Variants in OOSP1 observed in about 807,000 individuals in gnomAD.
OOSP1 encodes the protein oocyte secreted protein 1.
In OOSP1, 11 loss-of-function variants were observed where a neutral mutation model predicts 5.7. The ratio of observed to expected loss-of-function variants is 1.94; its 90% confidence interval spans 1.22 to 3.20. The LOEUF (loss-of-function observed/expected upper bound fraction) is 3.20, where lower values mean the gene tolerates loss of function less well. OOSP1 is among the 30% of genes most tolerant of loss of function. The pLI is 0.00. For synonymous variants in OOSP1, 44 were observed against 20.0 expected (o/e 2.20, Z -3.20); for missense variants, 83 against 54.1 (o/e 1.53, Z -1.67).
chr11:59,945,543 C>A (rs1028334661), intron 3 of OOSP1, among the ~76,000 whole-genome samples: 1 of 151,040 alleles, frequency 6.6e-6, no homozygotes, highest in African/African-American at 2.4e-5. Flanking sequence ...AGATCGGGAC[C>A]ATCCTGGCTA....
At chr11:59,941,760 T>G (rs1399793033) in intron 1 of OOSP1, among the ~76,000 whole-genome samples, 1 of 152,190 alleles carries the variant, frequency 6.6e-6, no homozygotes, top group Non-Finnish European at 1.5e-5. Context: ...GTCATATGGT[T>G]GTTGTATGTT....
At chr11:59,951,315 C>A (rs1189387959) in intron 4 of OOSP1, among the ~76,000 whole-genome samples, 1 of 151,908 alleles carries the variant, frequency 6.6e-6, no homozygotes, top group Non-Finnish European at 1.5e-5. Context: ...GAAAAAGAGA[C>A]AGATCGCTGA....
intron 2 of OOSP1, among the ~76,000 whole-genome samples, chr11:59,943,430 T>C (rs1398381883): frequency 6.6e-6 from 1 of 152,172 alleles, no homozygotes; most frequent in Non-Finnish European, 1.5e-5. Flanking sequence ...AGTCATTAAG[T>C]GTCTATTTGT....
intron 2 of OOSP1, among the ~76,000 whole-genome samples, 198 bp downstream of exon 2, chr11:59,943,226 G>T (rs1853849506): frequency 6.7e-6 from 1 of 148,650 alleles, no homozygotes; most frequent in African/African-American, 2.5e-5. Flanking sequence ...GGGGAGGGGA[G>T]AGGGATAGCA....
intron 4 of OOSP1, among the ~76,000 whole-genome samples, chr11:59,955,021 T>G (rs1001772306): frequency 6.6e-6 from 1 of 152,090 alleles, no homozygotes; most frequent in East Asian, 1.9e-4. Context: ...ACTAAGCCTG[T>G]ATCTAGTAGT....
At chr11:59,940,145 A>G (rs969826541) in intron 1 of OOSP1, among the ~76,000 whole-genome samples, 4 of 152,272 alleles carry the variant, frequency 2.6e-5, no homozygotes, top group Non-Finnish European at 5.9e-5. Context: ...ACATGGGTAC[A>G]TGTTAGAATC....
chr11:59,939,504 G>A lies in OOSP1; in HGVS notation c.76+974G>A, dbSNP rs139383666. Among the ~76,000 whole-genome samples the A allele has an allele frequency of 3.0e-3, 456 of 151,958 alleles. 1 individual carries two copies. The highest frequency in any genetic ancestry group is 5.1e-3 in the Non-Finnish European group (345 of 67,956). ...TGGCCTCAAGTGATCTGCCCACCTC[G>A]GTCTCCCAAAGTGCTGGTATAACAG... is the stretch of plus-strand genomic sequence containing the variant. On this transcript the variant is annotated intron_variant, in intron 1 of 4. Coordinates refer to ENST00000646685, the Ensembl canonical transcript of OOSP1.
Position 59,955,391 on chromosome 11 carries a change from T to C in OOSP1, c.487-1804T>C, listed in dbSNP as rs1590894984. On this transcript the variant is annotated intron_variant, in intron 4 of 4. Coordinates refer to ENST00000646685, the Ensembl canonical transcript of OOSP1. ...ACTATGAATCTGGCATTGTCTCGTT[T>C]CATAGGAAACCATGACTTTTAGGAA... Among the ~76,000 whole-genome samples, 9 of 152,264 alleles carry C rather than the reference T, an allele frequency of 5.9e-5. No individual in the cohort carries two copies. The South Asian group carries it at 1.9e-3, about 32-fold the overall frequency.
intron 4 of OOSP1, among the ~76,000 whole-genome samples, chr11:59,952,565 A>G (rs1482827002): frequency 6.6e-6 from 1 of 152,210 alleles, no homozygotes; most frequent in African/African-American, 2.4e-5. Context: ...GTTCTCACTT[A>G]TAAGTGGGAG....
intron 1 of OOSP1, among the ~76,000 whole-genome samples, chr11:59,941,767 T>A (rs539736153): frequency 6.6e-6 from 1 of 152,192 alleles, no homozygotes; most frequent in Admixed American, 6.5e-5. Flanking sequence ...GGTTGTTGTA[T>A]GTTTAGTTTT....
chr11:59,945,081 T>G, intron 2 of OOSP1, 88 bp from the exon 3 acceptor site: 1 of 672,516 alleles, frequency 1.5e-6, no homozygotes, highest in East Asian at 2.7e-5. Context: ...GAAAGCTTGA[T>G]GTATCTATAA....
chr11:59,943,914 G>T (rs1435952855), intron 2 of OOSP1, among the ~76,000 whole-genome samples: 1 of 152,178 alleles, frequency 6.6e-6, no homozygotes, highest in Non-Finnish European at 1.5e-5. Flanking sequence ...AACGCTAAAA[G>T]AAGTAATAGA....
chr11:59,955,745 C>G (rs1315009302), intron 4 of OOSP1, among the ~76,000 whole-genome samples: 1 of 152,044 alleles, frequency 6.6e-6, no homozygotes, highest in African/African-American at 2.4e-5. Flanking sequence ...AATCCTCCCA[C>G]TTCTCAGTCT....
At chr11:59,942,346 CT>C (rs1370178296) in intron 1 of OOSP1, among the ~76,000 whole-genome samples, 1 of 152,102 alleles carries the variant, frequency 6.6e-6, no homozygotes, top group Non-Finnish European at 1.5e-5. Context: ...ACTGTTTTTA[CT>C]CAATTTCTAT....
chr11:59,939,450 C>G (rs764682657), intron 1 of OOSP1, among the ~76,000 whole-genome samples: 1 of 152,040 alleles, frequency 6.6e-6, no homozygotes, highest in Non-Finnish European at 1.5e-5. Context: ...CGGGGTTTTA[C>G]CATATTGGCC....
intron 4 of OOSP1, among the ~76,000 whole-genome samples, chr11:59,953,656 C>T (rs1230457215): frequency 2.6e-5 from 4 of 152,156 alleles, no homozygotes. Flanking sequence ...CAGACAAGAG[C>T]AATTGCTATT....
intron 4 of OOSP1, 148 bp from the exon 5 acceptor site, chr11:59,957,047 C>A (rs1285267129): frequency 2.6e-6 from 1 of 379,596 alleles, no homozygotes; most frequent in Non-Finnish European, 4.7e-6. Flanking sequence ...TATAACAGAT[C>A]ATCTAATTTT....
At chr11:59,943,769 A>C (rs1853854859) in intron 2 of OOSP1, among the ~76,000 whole-genome samples, 1 of 152,204 alleles carries the variant, frequency 6.6e-6, no homozygotes, top group Non-Finnish European at 1.5e-5. Context: ...TACTCACCAG[A>C]TATTTTGGGT....
intron 2 of OOSP1, among the ~76,000 whole-genome samples, chr11:59,943,909 T>C (rs569509837): frequency 9.9e-5 from 15 of 152,210 alleles, no homozygotes; most frequent in South Asian, 4.1e-4. Flanking sequence ...AATAAAACGC[T>C]AAAAGAAGTA....
Sources: allele counts gnomAD v4.1 joint callset (sites outside exome capture counted in the v4.1 genomes callset), GRCh38; gene constraint gnomAD v4.1.1; transcripts MANE v1.5; gene names NCBI Gene and HGNC (gene_info 2026-07-23, HGNC 2026-07-21).